LRRC4C: variants seen among roughly 807,000 people sequenced by gnomAD.
LRRC4C encodes the protein leucine rich repeat containing 4C.
In LRRC4C, 5 loss-of-function variants were observed where a neutral mutation model predicts 33.6. That is an observed-to-expected ratio of 0.15 (90% CI 0.08 to 0.31). The LOEUF is 0.31. Among genes scored for constraint, LRRC4C ranks in the 10% least tolerant of loss-of-function variants. LRRC4C has a pLI of 1.00. For missense variants in LRRC4C, 560 were observed against 796.7 expected (o/e 0.70, Z 3.58); for synonymous variants, 329 against 302.0 (o/e 1.09, Z -0.93).
intron 4 of LRRC4C, among the ~76,000 whole-genome samples, chr11:40,281,890 C>T (rs891589733): frequency 1.3e-5 from 2 of 152,142 alleles, no homozygotes; most frequent in African/African-American, 2.4e-5. Context: ...CACACACACT[C>T]CTACTTTAGC....
chr11:40,862,667 T>G (rs534698937), intron 2 of LRRC4C, among the ~76,000 whole-genome samples: 2 of 152,284 alleles, frequency 1.3e-5, no homozygotes, highest in East Asian at 3.9e-4. Context: ...ATATTACAAA[T>G]TGGTTGGGAA....
intron 1 of LRRC4C, among the ~76,000 whole-genome samples, chr11:40,951,656 A>G (rs531878419): frequency 6.6e-6 from 1 of 152,162 alleles, no homozygotes; most frequent in African/African-American, 2.4e-5. Flanking sequence ...ATATGCACCA[A>G]GTCTTATCAT....
chr11:40,799,679 A>C (rs1950964252), intron 2 of LRRC4C, among the ~76,000 whole-genome samples: 1 of 152,178 alleles, frequency 6.6e-6, no homozygotes, highest in Admixed American at 6.5e-5. Context: ...CATGTTGGCC[A>C]GGCTGGTCTT....
chr11:41,287,312 A>G (rs1949858881), intron 1 of LRRC4C, among the ~76,000 whole-genome samples: 1 of 152,180 alleles, frequency 6.6e-6, no homozygotes, highest in African/African-American at 2.4e-5. Flanking sequence ...TTTAGAAATA[A>G]CAGAATTCTC....
At chr11:40,612,025 A>T (rs555779407) in intron 3 of LRRC4C, among the ~76,000 whole-genome samples, 1 of 151,868 alleles carries the variant, frequency 6.6e-6, no homozygotes, top group East Asian at 1.9e-4. Flanking sequence ...TGACCCCAAA[A>T]TCCCATTTCT....
intron 2 of LRRC4C, among the ~76,000 whole-genome samples, chr11:40,742,676 T>C (rs1428783351): frequency 1.3e-5 from 2 of 152,044 alleles, no homozygotes; most frequent in East Asian, 3.9e-4. Context: ...AAGTTGTTTA[T>C]CTATTCATTT....
At chr11:40,803,441 T>C (rs900020386) in intron 2 of LRRC4C, among the ~76,000 whole-genome samples, 1 of 152,106 alleles carries the variant, frequency 6.6e-6, no homozygotes, top group Admixed American at 6.5e-5. Flanking sequence ...CCTAAAACCC[T>C]TAACTATTAT....
intron 5 of LRRC4C, among the ~76,000 whole-genome samples, chr11:40,233,050 T>A (rs1390657616): frequency 6.6e-6 from 1 of 152,220 alleles, no homozygotes; most frequent in Non-Finnish European, 1.5e-5. Flanking sequence ...AGATTTTTTG[T>A]TTTTCAGTCT....
At chr11:41,154,670 T>C (rs1401204082) in intron 1 of LRRC4C, among the ~76,000 whole-genome samples, 1 of 151,950 alleles carries the variant, frequency 6.6e-6, no homozygotes, top group African/African-American at 2.4e-5. Flanking sequence ...CATTAAAAAC[T>C]GTATGCATTA....
chr11:40,390,849 A>G (rs1253684208), intron 3 of LRRC4C, among the ~76,000 whole-genome samples: 1 of 151,804 alleles, frequency 6.6e-6, no homozygotes, highest in Non-Finnish European at 1.5e-5. Context: ...TATGGAAATA[A>G]TCTCTTTTCT....
intron 1 of LRRC4C, among the ~76,000 whole-genome samples, chr11:41,107,058 ATT>A (rs3979485): frequency 0.38 from 53,113 of 140,958 alleles, 9,918 homozygotes; most frequent in South Asian, 0.52. Context: ...TTAGGTTTTG[ATT>A]TTTTTTTTTT....
rs189366220 is a variant in LRRC4C, at chr11:40,855,658, C to T, written c.-407+77977G>A. 1.7e-3 allele frequency among the ~76,000 whole-genome samples: 261 copies of T among 152,218 alleles called. 1 individual carries two copies. The highest frequency in any genetic ancestry group is 5.9e-3 in the African/African-American group (245 of 41,526). Reference sequence around the variant, plus strand: ...CACAAAGTGTCACCATAGAAAATGACGTCAGGCTGTATGTTTTTCAAAAGG... The same window carrying T: ...CACAAAGTGTCACCATAGAAAATGATGTCAGGCTGTATGTTTTTCAAAAGG... On this transcript the variant is annotated intron_variant, in intron 2 of 6. Transcript: ENST00000528697.
chr11:40,656,795 A>T (rs556924458), intron 2 of LRRC4C, among the ~76,000 whole-genome samples: 1 of 152,188 alleles, frequency 6.6e-6, no homozygotes, highest in South Asian at 2.1e-4. Flanking sequence ...TCTTTTTGTT[A>T]AAATATCCAT....
intron 3 of LRRC4C, among the ~76,000 whole-genome samples, chr11:40,330,009 G>A (rs973511952): frequency 3.9e-5 from 6 of 152,046 alleles, no homozygotes; most frequent in African/African-American, 1.4e-4. Flanking sequence ...CCAAAGTGCT[G>A]GGATTACAGG....
intron 3 of LRRC4C, among the ~76,000 whole-genome samples, chr11:40,459,088 T>C (rs972642180): frequency 1.4e-4 from 22 of 152,314 alleles, no homozygotes; most frequent in African/African-American, 5.1e-4. Context: ...TTCATGTTGA[T>C]TGTCTCTAGA....
chr11:41,376,861 AT>A (rs1952954742), intron 1 of LRRC4C, among the ~76,000 whole-genome samples: 3 of 152,148 alleles, frequency 2.0e-5, no homozygotes, highest in Admixed American at 1.3e-4. Context: ...ACATACGTAG[AT>A]CATAGATAGA....
At chr11:41,075,546 C>A (rs1338991298) in intron 1 of LRRC4C, among the ~76,000 whole-genome samples, 1 of 152,064 alleles carries the variant, frequency 6.6e-6, no homozygotes, top group Non-Finnish European at 1.5e-5. Context: ...CCAAAATTTT[C>A]ACTATCTATC....
At chr11:41,035,168 C>A (rs889794146) in intron 1 of LRRC4C, among the ~76,000 whole-genome samples, 1 of 149,704 alleles carries the variant, frequency 6.7e-6, no homozygotes, top group Non-Finnish European at 1.5e-5. Flanking sequence ...CCAGCCTGGG[C>A]GACAGAATGA....
chr11:40,515,542 T>C (rs1955527241), intron 3 of LRRC4C, among the ~76,000 whole-genome samples: 4 of 152,060 alleles, frequency 2.6e-5, no homozygotes, highest in Admixed American at 2.6e-4. Context: ...AGCAAGTTGA[T>C]GTGATTGATC....
Sources: gnomAD v4.1 joint callset for allele counts (sites outside exome capture counted in the v4.1 genomes callset) on GRCh38, gnomAD v4.1.1 for gene constraint, MANE v1.5 for transcripts, NCBI Gene and HGNC (gene_info 2026-07-23, HGNC 2026-07-21) for gene names.